ITGA4: variants seen among roughly 807,000 people sequenced by gnomAD.
The protein encoded by ITGA4 is integrin alpha-4.
ITGA4 carries 63 observed loss-of-function variants against 133.6 expected under a neutral mutation model. The observed-to-expected ratio is 0.47, with a 90% CI of 0.38 to 0.58. The LOEUF (loss-of-function observed/expected upper bound fraction) is 0.58, where lower values mean the gene tolerates loss of function less well. Among genes scored for constraint, ITGA4 ranks in the 20% least tolerant of loss-of-function variants. The pLI, the probability that ITGA4 is intolerant of heterozygous loss-of-function variation, is 0.00. For missense variants in ITGA4, 1,076 were observed against 1,252.7 expected (o/e 0.86, Z 2.13); for synonymous variants, 483 against 438.0 (o/e 1.10, Z -1.28).
Position 181,535,535 on chromosome 2 carries a change from T to G in ITGA4, c.*8T>G. ...AAAAGCAATGATGATTAAGGACTTC[T>G]TTCAAATTGAGAGAATGGAAAACAG... On this transcript the variant is annotated 3_prime_UTR_variant, in exon 28 of 28. Coordinates refer to ENST00000397033, the MANE Select transcript of ITGA4 (RefSeq NM_000885.6). The G allele has an allele frequency of 6.3e-7, 1 of 1,596,210 alleles. No homozygotes were observed. The highest frequency in any genetic ancestry group is 8.5e-7 in the Non-Finnish European group (1 of 1,172,844).
chr2:181,482,084 C>A (rs1685817320), intron 7 of ITGA4, among the ~76,000 whole-genome samples: 1 of 152,132 alleles, frequency 6.6e-6, no homozygotes, highest in Admixed American at 6.6e-5. Context: ...CCCAGCTTTT[C>A]TGAGCCTTAC....
chr2:181,526,208 C>T (rs761431340), intron 21 of ITGA4, among the ~76,000 whole-genome samples: 21 of 152,100 alleles, frequency 1.4e-4, no homozygotes, highest in Non-Finnish European at 2.6e-4. Context: ...AAGTTCATTG[C>T]GTGTTTCCTG....
chr2:181,475,803 G>C, intron 4 of ITGA4: 1 of 1,592,262 alleles, frequency 6.3e-7, no homozygotes, highest in Non-Finnish European at 8.5e-7. Context: ...TTTTCTCATG[G>C]TAACTCTATG....
intron 15 of ITGA4, among the ~76,000 whole-genome samples, chr2:181,499,365 T>C (rs2105748105): frequency 6.6e-6 from 1 of 152,272 alleles, no homozygotes; most frequent in Admixed American, 6.5e-5. Flanking sequence ...TTCATGTTTC[T>C]TTTATTAAAA....
At chr2:181,524,292 C>CTCAGAATATGGGGGT in intron 20 of ITGA4, 42 bp downstream of exon 20, 3 of 1,142,722 alleles carry the variant, frequency 2.6e-6, no homozygotes, top group South Asian at 1.5e-5. Flanking sequence ...AATATACCCC[C>CTCAGAATATGGGGGT]ATATTCTGAG....
At chr2:181,483,017 CTTATATAAA>C (rs1241889825) in intron 9 of ITGA4, among the ~76,000 whole-genome samples, 1 of 151,874 alleles carries the variant, frequency 6.6e-6, no homozygotes, top group East Asian at 1.9e-4. Context: ...AGTTAAGGTC[CTTATATAAA>C]TTATAAAATA....
chr2:181,469,069 G>C (rs1251258528), intron 2 of ITGA4, among the ~76,000 whole-genome samples: 1 of 152,138 alleles, frequency 6.6e-6, no homozygotes, highest in East Asian at 1.9e-4. Flanking sequence ...CTGACATTTG[G>C]ATAAAATATA....
chr2:181,485,914 G>A lies in ITGA4; in HGVS notation c.1075G>A (p.Val359Ile), dbSNP rs35419274. The A allele has an allele frequency of 2.4e-3, 3,891 of 1,603,898 alleles. 8 individuals carry two copies. Among genetic ancestry groups the A allele is most frequent in the Non-Finnish European group, 3.0e-3 (3,554 of 1,177,650 alleles). The change falls in exon 10 of 28, where the codon GTT becomes ATT. Residue 359 changes from valine (V) to isoleucine (I), a missense_variant. Around this residue, in one of 4 missense-constraint regions of ITGA4, gnomAD observed 436 missense variants for 590.7 expected, o/e 0.74. Coordinates refer to ENST00000397033, the MANE Select transcript of ITGA4 (RefSeq NM_000885.6). ...AATGAATGCAATGGAAACAAACCTC[G>A]TTGGAAGTGACAAATATGCTGCAAG... ...AVMNAMETNL[V>I]GSDKYAARFG...
At chr2:181,522,091 A>G (rs767341080) in intron 17 of ITGA4, 100 bp from the exon 18 acceptor site, 93 of 584,782 alleles carry the variant, frequency 1.6e-4, no homozygotes, top group Non-Finnish European at 2.4e-4. Flanking sequence ...TTAGTATTTT[A>G]TGTTCAGCAT....
chr2:181,469,390 G>T (rs544431349), intron 2 of ITGA4, among the ~76,000 whole-genome samples: 44 of 152,268 alleles, frequency 2.9e-4, no homozygotes, highest in African/African-American at 9.9e-4. Flanking sequence ...ACTTAGAATG[G>T]CGATCATTAA....
In ITGA4 at chr2:181,498,700, A is replaced by T; in HGVS notation, c.1618A>T (p.Thr540Ser). ...AAGATTCTATTTCTCTTCTAATGGA[A>T]CTTCTGACGTGATTACAGGAAGCAT... ...PPRFYFSSNG[T>S]SDVITGSIQV... Residue 540 changes from threonine (T) to serine (S), a missense_variant, in exon 15 of 28, where the codon ACT becomes TCT. By Grantham distance (58) the Thr-to-Ser change is moderately conservative (BLOSUM62 1). Transcript: ENST00000397033. 6.2e-7 allele frequency: 1 copy of T among 1,612,408 alleles called. No homozygotes were observed. The highest frequency in any genetic ancestry group is 8.5e-7 in the Non-Finnish European group (1 of 1,178,748).
At chr2:181,458,555 G>A (rs1457510655) in intron 2 of ITGA4, 7 of 527,880 alleles carry the variant, frequency 1.3e-5, no homozygotes, top group Non-Finnish European at 2.4e-5. Context: ...AACTATGCTA[G>A]AGAAATTTCT....
chr2:181,538,699 T>C lies in ITGA4; in HGVS notation c.*3172T>C, dbSNP rs1177498253. ...TGAACAAAACATGTTACAGTAATTA[T>C]GAGTGAGAGGAAACTAAGATGGAAG... On this transcript the variant is annotated 3_prime_UTR_variant, in exon 28 of 28. Transcript: ENST00000397033. Among the ~76,000 whole-genome samples the C allele has an allele frequency of 6.6e-6, 1 of 152,170 alleles. No homozygotes were observed. The highest frequency in any genetic ancestry group is 1.5e-5 in the Non-Finnish European group (1 of 68,022).
At chr2:181,518,069 G>T (rs1686646612) in intron 17 of ITGA4, among the ~76,000 whole-genome samples, 3 of 151,994 alleles carry the variant, frequency 2.0e-5, no homozygotes. Context: ...GGGGCAGGAT[G>T]TGGGACAGCC....
At chr2:181,496,275 C>T (rs902343514) in intron 14 of ITGA4, among the ~76,000 whole-genome samples, 1 of 151,972 alleles carries the variant, frequency 6.6e-6, no homozygotes, top group African/African-American at 2.4e-5. Flanking sequence ...TATCAAGTGT[C>T]AATAATTGAG....
chr2:181,529,862 A>C (rs1686908478), intron 23 of ITGA4, among the ~76,000 whole-genome samples: 1 of 152,218 alleles, frequency 6.6e-6, no homozygotes. Context: ...TGCAACTTTT[A>C]CATTTGATTT....
intron 2 of ITGA4, among the ~76,000 whole-genome samples, chr2:181,461,590 T>C (rs1002776095): frequency 6.6e-6 from 1 of 152,162 alleles, no homozygotes; most frequent in Non-Finnish European, 1.5e-5. Flanking sequence ...TCAATTAATA[T>C]AGTTAAGCAT....
rs138092541 is a variant in ITGA4, at chr2:181,518,733, T to C, written c.1923-3458T>C. On this transcript the variant is annotated intron_variant, in intron 17 of 27. Transcript: ENST00000397033. Reference sequence around the variant, plus strand: ...TTACTAAAGTAGGCAGACATGTGAATTTGGCCTTCAGGGAGTAGTTTACAG... The same window carrying C: ...TTACTAAAGTAGGCAGACATGTGAACTTGGCCTTCAGGGAGTAGTTTACAG... Among the ~76,000 whole-genome samples, 223 of 152,168 alleles carry C rather than the reference T, an allele frequency of 1.5e-3. 1 individual carries two copies. The highest frequency in any genetic ancestry group is 0.01 in the Middle Eastern group (3 of 294).
Position 181,538,114 on chromosome 2 carries a change from T to G in ITGA4, c.*2587T>G. The G allele has an allele frequency of 9.1e-7, 1 of 1,097,606 alleles. No homozygotes were observed. Among genetic ancestry groups the G allele is most frequent in the Non-Finnish European group, 1.4e-6 (1 of 717,584 alleles). 68.0% of individuals were successfully genotyped at this position (1,097,606 alleles called of 1,614,324 possible). ...TCCCAAAAAGGGTGGGGACCACAGG[T>G]TTAAAGCATGGCCACATTTCTTTAT... On this transcript the variant is annotated 3_prime_UTR_variant, in exon 28 of 28. Coordinates refer to ENST00000397033, the MANE Select transcript of ITGA4 (RefSeq NM_000885.6).
Sources: allele counts gnomAD v4.1 joint callset (sites outside exome capture counted in the v4.1 genomes callset), GRCh38; gene constraint gnomAD v4.1.1; regional missense constraint gnomAD v4.1.1; transcripts MANE v1.5; gene names NCBI Gene and HGNC (gene_info 2026-07-23, HGNC 2026-07-21).